The following TG variants were observed in gnomAD, a reference collection of about 807,000 sequenced individuals.
TG encodes thyroid hormones.
A neutral mutation model predicts 324.7 loss-of-function variants in TG; 270 were observed. That is an observed-to-expected ratio of 0.83 (90% confidence interval 0.75 to 0.92). The LOEUF (loss-of-function observed/expected upper bound fraction) is 0.92. TG is among the 40% of genes least tolerant of loss of function. TG has a pLI of 0.00. For synonymous variants in TG, 1,401 were observed against 1,327.0 expected, an observed-to-expected ratio of 1.06 and a Z score of -1.21; for missense variants, 3,591 against 3,456.4, an observed-to-expected ratio of 1.04 and a Z score of -0.98.
intron 5 of TG, among the ~76,000 whole-genome samples, chr8:132,876,540 G>A (rs1813823653): frequency 6.6e-6 from 1 of 152,214 alleles, no homozygotes; most frequent in African/African-American, 2.4e-5. Context: ...GCTGCTGTGA[G>A]TTATTTATGT....
At chr8:132,983,491 G>C in intron 35 of TG, 79 bp downstream of exon 35, 2 of 1,410,302 alleles carry the variant, frequency 1.4e-6, no homozygotes, top group South Asian at 2.3e-5. Flanking sequence ...CCTTGCTTTT[G>C]TACAGAAGTT....
At chr8:132,932,000 G>A (rs947837159) in intron 23 of TG, among the ~76,000 whole-genome samples, 2 of 152,154 alleles carry the variant, frequency 1.3e-5, no homozygotes, top group African/African-American at 2.4e-5. Flanking sequence ...AGGCTAAGGT[G>A]GGAAGATGGC....
intron 41 of TG, among the ~76,000 whole-genome samples, chr8:133,077,771 ATGTGTG>A (rs939200739): frequency 7.4e-6 from 1 of 135,294 alleles, no homozygotes; most frequent in Non-Finnish European, 1.6e-5. Flanking sequence ...GTGTGTTTGT[ATGTGTG>A]TGTGTGCGGC....
intron 41 of TG, among the ~76,000 whole-genome samples, chr8:133,068,364 AGGCTG>A (rs968764700): frequency 2.0e-5 from 3 of 152,222 alleles, no homozygotes; most frequent in Non-Finnish European, 2.9e-5. Context: ...GCTAACAGAG[AGGCTG>A]GGCTTTATGC....
chr8:133,086,040 C>A (rs7845018), intron 41 of TG, among the ~76,000 whole-genome samples: 1 of 151,960 alleles, frequency 6.6e-6, no homozygotes, highest in Admixed American at 6.6e-5. Context: ...AATTTAGCAG[C>A]GAAAAGATAT....
intron 35 of TG, among the ~76,000 whole-genome samples, chr8:132,987,707 ACGTGTGTGTGTGTGGTGTGTGTGTGTGTG>A (rs538085772): frequency 1.3e-3 from 170 of 132,682 alleles, no homozygotes; most frequent in Non-Finnish European, 1.3e-3. Flanking sequence ...TGTCTTTTAT[ACGTGTGTGTGTGTGGTGTGTGTGTGTGTG>A]CGTGTGTGTG....
intron 41 of TG, among the ~76,000 whole-genome samples, chr8:133,057,785 A>AAC (rs1324733946): frequency 2.0e-5 from 3 of 152,012 alleles, no homozygotes; most frequent in Non-Finnish European, 4.4e-5. Flanking sequence ...AAAAAAAAAA[A>AAC]AACAAAAAAA....
In TG at chr8:132,869,618, G is replaced by A. The variant is rs536533857; in HGVS notation, c.177-111G>A. 2.4e-4 allele frequency: 242 copies of A among 991,242 alleles called. 2 individuals carry two copies. The East Asian group carries it at 5.5e-3, about 22-fold the overall frequency. 61.4% of individuals were successfully genotyped at this position (991,242 alleles called of 1,614,324 possible). A position where few individuals can be genotyped will look rare whatever the true frequency, so the allele number is the denominator to read the frequency against. ...ACTCCACTCTCTCCCTAATTTAAAC[G>A]AACCAAAACTTGCAAGAATGGAAAT... is the stretch of plus-strand genomic sequence containing the variant. On this transcript the variant is annotated intron_variant, in intron 2 of 47. Transcript: ENST00000220616.
intron 41 of TG, chr8:133,087,780 G>A (rs1313569996): frequency 2.6e-5 from 4 of 152,184 alleles, no homozygotes; most frequent in African/African-American, 9.7e-5. Flanking sequence ...ACCCAGTGGG[G>A]CCAGGCAGCA....
intron 31 of TG, 95 bp downstream of exon 31, chr8:132,968,065 A>G: frequency 7.0e-7 from 1 of 1,427,836 alleles, no homozygotes; most frequent in Non-Finnish European, 9.6e-7. Context: ...TATTTAAAAA[A>G]CATTTTCTTT....
At chr8:133,121,134 C>T (rs1203693911) in intron 45 of TG, among the ~76,000 whole-genome samples, 2 of 152,192 alleles carry the variant, frequency 1.3e-5, no homozygotes, top group Non-Finnish European at 2.9e-5. Flanking sequence ...ACCCTCCTGG[C>T]ACAGATGAAG....
chr8:132,956,686 G>T (rs1349385606), intron 27 of TG, among the ~76,000 whole-genome samples: 3 of 152,196 alleles, frequency 2.0e-5, no homozygotes, highest in Non-Finnish European at 4.4e-5. Flanking sequence ...GAGCCAGATT[G>T]CAAGGAACTG....
chr8:133,055,639 G>T (rs1292352574), intron 41 of TG, among the ~76,000 whole-genome samples: 1 of 152,166 alleles, frequency 6.6e-6, no homozygotes, highest in Non-Finnish European at 1.5e-5. Flanking sequence ...TCTTTTCAGG[G>T]TCAGTCTCAA....
At chr8:133,126,028 C>T (rs577904520) in intron 45 of TG, among the ~76,000 whole-genome samples, 2 of 152,222 alleles carry the variant, frequency 1.3e-5, no homozygotes, top group South Asian at 4.1e-4. Context: ...TTATCAAATG[C>T]GATGGTCAGT....
intron 27 of TG, among the ~76,000 whole-genome samples, chr8:132,949,760 G>C (rs1825843636): frequency 6.6e-6 from 1 of 152,176 alleles, no homozygotes; most frequent in Non-Finnish European, 1.5e-5. Context: ...CTATAGTGAG[G>C]CTGCATCTCT....
chr8:133,008,037 C>T (rs1834177390), intron 35 of TG, among the ~76,000 whole-genome samples: 1 of 151,998 alleles, frequency 6.6e-6, no homozygotes, highest in Non-Finnish European at 1.5e-5. Context: ...TTCTCTATGT[C>T]AACAATAACC....
chr8:133,037,343 G>A (rs922796950), intron 41 of TG: 17 of 152,212 alleles, frequency 1.1e-4, no homozygotes, highest in African/African-American at 4.1e-4. Context: ...CTTTCCTGGA[G>A]CTGAGCATTT....
At chr8:132,998,530 A>T (rs1833110541) in intron 35 of TG, among the ~76,000 whole-genome samples, 1 of 152,194 alleles carries the variant, frequency 6.6e-6, no homozygotes, top group Non-Finnish European at 1.5e-5. Flanking sequence ...CATTGGGAGG[A>T]AGAGAATTGA....
chr8:132,892,357 G>T (rs902287601), intron 10 of TG, among the ~76,000 whole-genome samples: 8 of 151,902 alleles, frequency 5.3e-5, no homozygotes, highest in Non-Finnish European at 8.8e-5. Context: ...TTGCTAGCTG[G>T]GAACTCGTTT....
Sources: gnomAD v4.1 joint callset for allele counts (sites outside exome capture counted in the v4.1 genomes callset) on GRCh38, gnomAD v4.1.1 for gene constraint, MANE v1.5 for transcripts, NCBI Gene and HGNC (gene_info 2026-07-23, HGNC 2026-07-21) for gene names.